NRXN1: variants seen among roughly 807,000 people sequenced by gnomAD.
The protein encoded by NRXN1 is neurexin-1.
In NRXN1, 39 loss-of-function variants were observed where a neutral mutation model predicts 150.9. That is an observed-to-expected ratio of 0.26 (90% CI 0.20 to 0.34). The LOEUF (loss-of-function observed/expected upper bound fraction) is 0.34, where lower values mean the gene tolerates loss of function less well. NRXN1 is among the 10% of genes least tolerant of loss of function. NRXN1 has a pLI of 1.00. For missense variants in NRXN1, 1,815 were observed against 1,949.9 expected, an observed-to-expected ratio of 0.93 and a Z score of 1.30; for synonymous variants, 924 against 757.0, an observed-to-expected ratio of 1.22 and a Z score of -3.62.
At chr2:50,087,419 A>T (rs1698946708) in intron 19 of NRXN1, among the ~76,000 whole-genome samples, 1 of 152,164 alleles carries the variant, frequency 6.6e-6, no homozygotes, top group Non-Finnish European at 1.5e-5. Flanking sequence ...ATTATCAAAG[A>T]TAACTGTGAT....
chr2:50,610,105 G>A (rs1263241313), intron 8 of NRXN1, among the ~76,000 whole-genome samples: 1 of 151,946 alleles, frequency 6.6e-6, no homozygotes, highest in Non-Finnish European at 1.5e-5. Flanking sequence ...CCAAACATAA[G>A]GACTTTGATC....
chr2:50,636,092 C>T (rs915238290), intron 5 of NRXN1, among the ~76,000 whole-genome samples: 3 of 152,100 alleles, frequency 2.0e-5, no homozygotes, highest in Admixed American at 6.6e-5. Flanking sequence ...CCAACACCCT[C>T]ATTCTAGGAG....
intron 8 of NRXN1, among the ~76,000 whole-genome samples, chr2:50,597,763 G>C (rs1206761546): frequency 5.9e-5 from 9 of 152,260 alleles, no homozygotes; most frequent in African/African-American, 2.2e-4. Flanking sequence ...TTCAATAAAT[G>C]TTTGTTAAGC....
rs183799958 is a variant in NRXN1, at chr2:50,637,615, C to T, written c.833-14000G>A. On this transcript the variant is annotated intron_variant, in intron 5 of 22. Transcript: ENST00000401669. ...TTGAACTCACAGTTCCTGGTCTCCT[C>T]TAGGTTTGCACCACTCATATAATTG... The T allele has an allele frequency of 1.3e-4, 20 of 152,328 alleles. No individual in the cohort carries two copies. In the East Asian group the frequency reaches 3.5e-3, roughly 27 times the overall value. The allele number at this position is 152,328 out of a possible 1,614,324, so 9.4% of individuals were successfully genotyped here.
chr2:50,033,681 T>C (rs1689528703), intron 21 of NRXN1, among the ~76,000 whole-genome samples: 1 of 151,770 alleles, frequency 6.6e-6, no homozygotes, highest in Non-Finnish European at 1.5e-5. Flanking sequence ...ATCAACAGAG[T>C]ATACAGACAA....
intron 2 of NRXN1, among the ~76,000 whole-genome samples, chr2:51,022,158 G>A (rs940767160): frequency 2.6e-5 from 4 of 152,090 alleles, no homozygotes; most frequent in Middle Eastern, 3.4e-3. Flanking sequence ...AAATAGTGTC[G>A]GTGGAAATAG....
rs373450826 is a variant in NRXN1, at chr2:50,604,274, T to C, written c.1320+15748A>G. Among the ~76,000 whole-genome samples the C allele has an allele frequency of 3.9e-4, 59 of 152,260 alleles. 1 individual carries two copies. Among genetic ancestry groups the C allele is most frequent in the African/African-American group, 1.3e-3 (56 of 41,568 alleles). On this transcript the variant is annotated intron_variant, in intron 8 of 22. Coordinates refer to ENST00000401669, the MANE Select transcript of NRXN1 (RefSeq NM_001330078.2). Reference sequence around the variant, plus strand: ...TCATTTGCTTCTGTATCACCTTATATTTCTGTTAAAAATGCGGGTCTACTG... The same window carrying C: ...TCATTTGCTTCTGTATCACCTTATACTTCTGTTAAAAATGCGGGTCTACTG...
At chr2:50,070,019 T>G (rs2152665271) in intron 19 of NRXN1, among the ~76,000 whole-genome samples, 1 of 151,814 alleles carries the variant, frequency 6.6e-6, no homozygotes. Context: ...CCCACCTAAT[T>G]TTTTGTATTT....
chr2:50,653,501 A>T (rs1452670472), intron 5 of NRXN1, among the ~76,000 whole-genome samples: 1 of 152,080 alleles, frequency 6.6e-6, no homozygotes, highest in East Asian at 1.9e-4. Flanking sequence ...ACACCAACTT[A>T]GGTTACAATT....
intron 5 of NRXN1, among the ~76,000 whole-genome samples, chr2:50,853,637 A>G (rs1674837793): frequency 6.6e-6 from 1 of 152,138 alleles, no homozygotes; most frequent in South Asian, 2.1e-4. Context: ...CTGAGCTTAA[A>G]GAAGAAATCC....
intron 5 of NRXN1, among the ~76,000 whole-genome samples, chr2:50,805,303 T>C (rs1667368931): frequency 6.6e-6 from 1 of 152,172 alleles, no homozygotes; most frequent in Non-Finnish European, 1.5e-5. Flanking sequence ...TAAGGTTACT[T>C]CTATGAAGAA....
intron 2 of NRXN1, among the ~76,000 whole-genome samples, chr2:51,004,096 G>A (rs1247764149): frequency 6.6e-6 from 1 of 151,142 alleles, no homozygotes; most frequent in Non-Finnish European, 1.5e-5. Flanking sequence ...AGAAGACATT[G>A]AACCATATAT....
intron 21 of NRXN1, among the ~76,000 whole-genome samples, chr2:50,027,538 G>C (rs751097090): frequency 6.6e-6 from 1 of 152,072 alleles, no homozygotes; most frequent in Non-Finnish European, 1.5e-5. Flanking sequence ...GACCTCCGTG[G>C]CTCAAGCAAT....
intron 21 of NRXN1, among the ~76,000 whole-genome samples, chr2:49,967,380 G>A (rs1677139129): frequency 6.6e-6 from 1 of 151,938 alleles, no homozygotes; most frequent in Admixed American, 6.6e-5. Context: ...TGACAAAGCT[G>A]TGATATTTAT....
chr2:50,420,324 G>A (rs755807627), intron 17 of NRXN1, among the ~76,000 whole-genome samples: 1 of 151,864 alleles, frequency 6.6e-6, no homozygotes, highest in Non-Finnish European at 1.5e-5. Context: ...TACACCAGCA[G>A]TCATTAAATA....
chr2:50,231,357 T>A (rs1412906110), intron 18 of NRXN1, among the ~76,000 whole-genome samples: 1 of 152,044 alleles, frequency 6.6e-6, no homozygotes, highest in Admixed American at 6.6e-5. Context: ...AAATAATGTA[T>A]AATGGAGAGA....
At chr2:50,843,142 T>C (rs2105937275) in intron 5 of NRXN1, among the ~76,000 whole-genome samples, 1 of 152,256 alleles carries the variant, frequency 6.6e-6, no homozygotes, top group South Asian at 2.1e-4. Context: ...TACTGAGACC[T>C]GGACCCAGGG....
chr2:50,121,822 T>A (rs1300976524), intron 18 of NRXN1, among the ~76,000 whole-genome samples: 1 of 152,188 alleles, frequency 6.6e-6, no homozygotes, highest in Non-Finnish European at 1.5e-5. Context: ...ACAGCAAATC[T>A]AAAGTAAACC....
At chr2:50,258,063 G>A (rs1258210373) in intron 17 of NRXN1, among the ~76,000 whole-genome samples, 1 of 151,972 alleles carries the variant, frequency 6.6e-6, no homozygotes, top group Non-Finnish European at 1.5e-5. Context: ...TTTTGATGGT[G>A]GAGGATCTTG....
Sources: allele counts gnomAD v4.1 joint callset (sites outside exome capture counted in the v4.1 genomes callset), GRCh38; gene constraint gnomAD v4.1.1; transcripts MANE v1.5; gene names NCBI Gene and HGNC (gene_info 2026-07-23, HGNC 2026-07-21).